Variants in TRIP4 observed in about 807,000 individuals in gnomAD.
The protein encoded by TRIP4 is activating signal cointegrator 1.
TRIP4 carries 54 observed loss-of-function variants against 81.8 expected under a neutral mutation model. The ratio of observed to expected loss-of-function variants is 0.66; its 90% CI spans 0.53 to 0.83. The LOEUF (loss-of-function observed/expected upper bound fraction) is 0.83, where lower values mean the gene tolerates loss of function less well. Ranked by LOEUF, TRIP4 falls within the 40% of genes least tolerant of loss-of-function variation. The probability of loss-of-function intolerance (pLI) is 0.00; values close to 1 mark genes in which losing one functional copy is unlikely to be tolerated. For missense variants in TRIP4, 662 were observed against 683.6 expected (o/e 0.97, Z 0.35); for synonymous variants, 270 against 242.8 (o/e 1.11, Z -1.04).
At chr15:64,421,901 G>C (rs182233847) in intron 9 of TRIP4, among the ~76,000 whole-genome samples, 5 of 151,878 alleles carry the variant, frequency 3.3e-5, no homozygotes, top group Non-Finnish European at 7.4e-5. Context: ...AAAAATTAGC[G>C]GAGCATGGTG....
Position 64,394,023 on chromosome 15 carries a change from A to T in TRIP4, c.179A>T (p.Lys60Ile). 2 of 1,612,540 alleles carry T rather than the reference A, an allele frequency of 1.2e-6. No individual in the cohort carries two copies. Among genetic ancestry groups the T allele is most frequent in the Non-Finnish European group, 1.7e-6 (2 of 1,179,272 alleles). The change falls in exon 2 of 13, where the codon AAA (lysine) becomes ATA (isoleucine). Residue 60 changes from lysine to isoleucine, a missense_variant. Lys to Ile is a moderately radical substitution (Grantham distance 102). Coordinates refer to ENST00000261884, the MANE Select transcript of TRIP4 (RefSeq NM_016213.5). ...CTCCTCCAGGGAAATGAAGGCAAAA[A>T]AGGTCAATTCATAGAAGAACTTATA... The part of the protein sequence containing the change: ...TDLLQGNEGK[K>I]GQFIEELITK...
intron 11 of TRIP4, among the ~76,000 whole-genome samples, chr15:64,433,430 A>G (rs1396114464): frequency 1.3e-5 from 2 of 151,918 alleles, no homozygotes; most frequent in Non-Finnish European, 2.9e-5. Context: ...ATGAAACCTC[A>G]TCTCTACTAA....
intron 11 of TRIP4, among the ~76,000 whole-genome samples, chr15:64,427,002 A>C (rs1053001918): frequency 6.6e-6 from 1 of 152,174 alleles, no homozygotes; most frequent in South Asian, 2.1e-4. Context: ...TCTGTCTCAA[A>C]AAAAAGAAAA....
intron 1 of TRIP4, among the ~76,000 whole-genome samples, chr15:64,389,249 T>C (rs1900044881): frequency 6.6e-6 from 1 of 152,210 alleles, no homozygotes; most frequent in African/African-American, 2.4e-5. Flanking sequence ...ATTGCTGTTC[T>C]AGGGCTTTTG....
chr15:64,425,122 A>T (rs539352825), intron 10 of TRIP4, among the ~76,000 whole-genome samples: 2 of 152,012 alleles, frequency 1.3e-5, no homozygotes, highest in Non-Finnish European at 2.9e-5. Context: ...GCTTGTTTTA[A>T]AGACATTCAT....
rs1900330563 is a variant in TRIP4, at chr15:64,397,597, G to T, written c.406-9G>T. ...TATTTGATGTTATTTTGATGTCTTTGTACGATAGGCACAAGAGAACAGCAA... is the reference window on the plus strand; with the variant it reads ...TATTTGATGTTATTTTGATGTCTTTTTACGATAGGCACAAGAGAACAGCAA... On this transcript the variant is annotated splice_polypyrimidine_tract_variant and intron_variant, in intron 3 of 12. Transcript: ENST00000261884. 1 of 1,609,248 alleles carries T rather than the reference G, an allele frequency of 6.2e-7. No homozygotes were observed. Among genetic ancestry groups the T allele is most frequent in the Non-Finnish European group, 8.5e-7 (1 of 1,176,108 alleles).
intron 9 of TRIP4, 59 bp downstream of exon 9, chr15:64,418,787 A>G: frequency 6.9e-7 from 1 of 1,453,746 alleles, no homozygotes; most frequent in Non-Finnish European, 9.2e-7. Flanking sequence ...AATTTAATTT[A>G]GAAATATGAA....
chr15:64,406,392 C>T lies in TRIP4; in HGVS notation c.760C>T (p.Arg254Ter), dbSNP rs869312827. The T allele has an allele frequency of 8.1e-6, 13 of 1,613,878 alleles. No homozygotes were observed. Among genetic ancestry groups the T allele is most frequent in the Admixed American group, 6.7e-5 (4 of 59,984 alleles). ...GGACCTTCTTCCTCATCAAGAATTG[C>T]GAATTAAGTCTGGTCTGGAGAAGGC... is the stretch of plus-strand genomic sequence containing the variant. Reference protein sequence around the residue: ...TKDLLPHQELRIKSGLEKAIK... With the variant: ...TKDLLPHQEL Residue 254 changes from arginine (R) to a stop codon, truncating the protein, a stop_gained, in exon 6 of 13, where the codon CGA becomes TGA. Coordinates refer to ENST00000261884, the MANE Select transcript of TRIP4 (RefSeq NM_016213.5). LOFTEE classifies it high-confidence loss of function.
At position 64,425,521 on chromosome 15, in the gene TRIP4, T is replaced by G; in HGVS notation, c.1484-19T>G. On this transcript the variant is annotated intron_variant, in intron 10 of 12. Transcript: ENST00000261884. ...CAAAGAAGGAAATTTATTCAATATTTTTGTTATTCCTGATTCAGATGTGGA... is the reference window on the plus strand; with the variant it reads ...CAAAGAAGGAAATTTATTCAATATTGTTGTTATTCCTGATTCAGATGTGGA... 1 of 1,596,226 alleles carries G rather than the reference T, an allele frequency of 6.3e-7. No individual in the cohort carries two copies. The highest frequency in any genetic ancestry group is 1.7e-5 in the Admixed American group (1 of 57,330).
At chr15:64,421,138 C>T (rs1460187382) in intron 9 of TRIP4, among the ~76,000 whole-genome samples, 2 of 150,472 alleles carry the variant, frequency 1.3e-5, no homozygotes, top group African/African-American at 4.9e-5. Flanking sequence ...AAAAATTAGC[C>T]AGGCGTGGTG....
chr15:64,447,222 A>T (rs2140314938), intron 12 of TRIP4, among the ~76,000 whole-genome samples: 1 of 152,336 alleles, frequency 6.6e-6, no homozygotes, highest in Non-Finnish European at 1.5e-5. Context: ...TGCTCATGTC[A>T]GTTACCATTT....
chr15:64,452,154 G>T (rs891237223), intron 12 of TRIP4, among the ~76,000 whole-genome samples: 1 of 151,660 alleles, frequency 6.6e-6, no homozygotes, highest in East Asian at 1.9e-4. Context: ...GGGGGGTTTG[G>T]TTTTTTTGTT....
chr15:64,419,346 T>G (rs550837943), intron 9 of TRIP4, among the ~76,000 whole-genome samples: 1 of 152,172 alleles, frequency 6.6e-6, no homozygotes, highest in South Asian at 2.1e-4. Context: ...TGTCTTGTGT[T>G]TTTTTCTTTT....
chr15:64,397,137 A>T (rs1183335448), intron 3 of TRIP4, among the ~76,000 whole-genome samples: 1 of 152,124 alleles, frequency 6.6e-6, no homozygotes, highest in Non-Finnish European at 1.5e-5. Context: ...GACTAACTGC[A>T]ACCTCCACCT....
At chr15:64,429,081 G>A (rs565944172) in intron 11 of TRIP4, among the ~76,000 whole-genome samples, 52 of 151,978 alleles carry the variant, frequency 3.4e-4, no homozygotes, top group South Asian at 1.7e-3. Context: ...TTGGGAGGCC[G>A]AGGCGGGTGG....
chr15:64,429,385 G>C (rs992937474), intron 11 of TRIP4, among the ~76,000 whole-genome samples: 4 of 152,148 alleles, frequency 2.6e-5, no homozygotes, highest in African/African-American at 9.7e-5. Context: ...CCTCATTCTT[G>C]TTTTCTGAAT....
At chr15:64,399,718 A>G (rs908251233) in intron 4 of TRIP4, among the ~76,000 whole-genome samples, 2 of 151,768 alleles carry the variant, frequency 1.3e-5, no homozygotes, top group South Asian at 2.1e-4. Flanking sequence ...ACCACGCTCA[A>G]TTGAACTCCT....
intron 11 of TRIP4, among the ~76,000 whole-genome samples, chr15:64,432,255 G>C (rs1466033058): frequency 6.6e-5 from 10 of 151,848 alleles, no homozygotes. Context: ...CATGTATTTA[G>C]TGTTTTGGTT....
intron 9 of TRIP4, among the ~76,000 whole-genome samples, chr15:64,421,973 A>G (rs899583515): frequency 5.9e-5 from 9 of 151,438 alleles, no homozygotes; most frequent in African/African-American, 2.2e-4. Flanking sequence ...TGAACCCAGG[A>G]GACAGAGGCT....
Sources: allele counts gnomAD v4.1 joint callset (sites outside exome capture counted in the v4.1 genomes callset), GRCh38; gene constraint gnomAD v4.1.1; transcripts MANE v1.5; gene names NCBI Gene and HGNC (gene_info 2026-07-23, HGNC 2026-07-21).